The following MRTFB variants were observed in gnomAD, a reference collection of about 807,000 sequenced individuals.
MRTFB encodes myocardin-related transcription factor B.
In MRTFB, 29 loss-of-function variants were observed where a neutral mutation model predicts 104.2. The observed-to-expected ratio is 0.28, with a 90% CI of 0.21 to 0.38. The LOEUF (loss-of-function observed/expected upper bound fraction) is 0.38. MRTFB is among the 10% of genes least tolerant of loss of function. The probability of loss-of-function intolerance (pLI) is 1.00; values close to 1 mark genes in which losing one functional copy is unlikely to be tolerated. For missense variants in MRTFB, 1,270 were observed against 1,341.6 expected, an observed-to-expected ratio of 0.95 and a Z score of 0.83; for synonymous variants, 535 against 519.5, an observed-to-expected ratio of 1.03 and a Z score of -0.41.
intron 3 of MRTFB, chr16:14,200,905 A>G (rs2040672382): frequency 6.9e-7 from 1 of 1,451,056 alleles, no homozygotes. Context: ...GAATTTAACC[A>G]GCATGGCTAC....
chr16:14,094,987 T>G (rs1384722807), intron 2 of MRTFB, among the ~76,000 whole-genome samples: 1 of 152,208 alleles, frequency 6.6e-6, no homozygotes, highest in African/African-American at 2.4e-5. Context: ...ATAAAGCCAC[T>G]TTAAACATCA....
intron 1 of MRTFB, among the ~76,000 whole-genome samples, chr16:14,077,879 A>G (rs1042307813): frequency 2.0e-5 from 3 of 152,196 alleles, no homozygotes; most frequent in Non-Finnish European, 4.4e-5. Flanking sequence ...AAGTTACAAG[A>G]CATTAGAATC....
chr16:14,104,459 C>T (rs573415945), intron 2 of MRTFB, among the ~76,000 whole-genome samples: 3 of 152,300 alleles, frequency 2.0e-5, no homozygotes, highest in Non-Finnish European at 2.9e-5. Flanking sequence ...GTACATTTTA[C>T]ACTCAGGCAG....
At position 14,105,868 on chromosome 16, in the gene MRTFB, G is replaced by T. The variant is rs575951302; in HGVS notation, c.-64+26514G>T. 3.2e-4 allele frequency among the ~76,000 whole-genome samples: 48 copies of T among 152,288 alleles called. 1 individual carries two copies. The South Asian group carries it at 9.5e-3, about 30-fold the overall frequency. On this transcript the variant is annotated intron_variant, in intron 2 of 16. Coordinates refer to ENST00000571589, the MANE Select transcript of MRTFB (RefSeq NM_001308142.2). ...TGTCTCTTCACACTAAGAACAAAAA[G>T]CAAGTGATTGTGAAGTATTTCAGTG...
At chr16:14,193,135 C>G (rs949702171) in intron 3 of MRTFB, among the ~76,000 whole-genome samples, 50 of 147,974 alleles carry the variant, frequency 3.4e-4, no homozygotes, top group African/African-American at 1.2e-3. Context: ...CATTCCTTCA[C>G]CCTCCACTGA....
rs1400145614 is a variant in MRTFB, at chr16:14,245,438, T to A, written c.1080-90T>A. 13 of 1,119,914 alleles carry A rather than the reference T, an allele frequency of 1.2e-5. 1 individual carries two copies. Among genetic ancestry groups the A allele is most frequent in the Non-Finnish European group, 2.5e-6 (2 of 798,506 alleles). 69.4% of individuals were successfully genotyped at this position (1,119,914 alleles called of 1,614,324 possible). ...CCAATCCATAACCATGGTATTTTTC[T>A]CTTCATAAGTTAGTCAAATTGTTAA... On this transcript the variant is annotated intron_variant, in intron 10 of 16. Coordinates refer to ENST00000571589, the MANE Select transcript of MRTFB (RefSeq NM_001308142.2).
chr16:14,247,270 G>T lies in MRTFB; in HGVS notation c.2010G>T (p.Gln670His). 1 of 1,614,230 alleles carries T rather than the reference G, an allele frequency of 6.2e-7. No homozygotes were observed. The change falls in exon 12 of 17, where the codon CAG (glutamine) becomes CAT (histidine). Residue 670 changes from glutamine (Q) to histidine (H), a missense_variant. Physicochemically the swap from Gln to His is conservative, Grantham distance 24 (BLOSUM62 0). This residue lies in a region of MRTFB where 1,144 missense variants were observed against 1,131.5 expected (regional missense o/e 1.01). Coordinates refer to ENST00000571589, the MANE Select transcript of MRTFB (RefSeq NM_001308142.2). Reference protein sequence around the residue: ...AVGQPVSTGGQTLVAKKAVVI... With the variant: ...AVGQPVSTGGHTLVAKKAVVI... ...GCCAGCCCGTCTCTACAGGTGGCCA[G>T]ACCCTTGTTGCCAAAAAGGCTGTAG...
At chr16:14,232,700 C>T (rs1344579946) in intron 8 of MRTFB, among the ~76,000 whole-genome samples, 2 of 152,184 alleles carry the variant, frequency 1.3e-5, no homozygotes, top group Non-Finnish European at 2.9e-5. Flanking sequence ...CTCAGCGGGG[C>T]TTGAGAACGT....
chr16:14,025,530 C>T, the MRTFB span, among the ~76,000 whole-genome samples: 1 of 152,166 alleles, frequency 6.6e-6, no homozygotes, highest in East Asian at 1.9e-4. Flanking sequence ...CATGCGGTGC[C>T]TGCCCTAGTC....
At chr16:14,098,760 T>C (rs60012085) in intron 2 of MRTFB, among the ~76,000 whole-genome samples, 23,004 of 152,204 alleles carry the variant, frequency 0.15, 4,245 homozygotes, top group African/African-American at 0.44. Flanking sequence ...AGTTGTTGCA[T>C]GTGGTGAAAG....
intron 1 of MRTFB, among the ~76,000 whole-genome samples, chr16:14,072,384 T>C (rs2033761750): frequency 6.6e-6 from 1 of 152,142 alleles, no homozygotes; most frequent in Non-Finnish European, 1.5e-5. Context: ...TAGGACATAC[T>C]CTTGTGCTGG....
the MRTFB span, among the ~76,000 whole-genome samples, chr16:14,011,703 C>G: frequency 6.6e-6 from 1 of 152,098 alleles, no homozygotes; most frequent in African/African-American, 2.4e-5. Flanking sequence ...GAAACCCCGT[C>G]TCTACTAAAA....
rs2043761628 is a variant in MRTFB at position 14,261,133 on chromosome 16, C to G, written c.2989C>G (p.Pro997Ala). Reference sequence around the variant, plus strand: ...AACTTTACCCTCAGCCAATGAAATTCCTCCACTACAAAGCAGCAGTGAAGA... The same window carrying G: ...AACTTTACCCTCAGCCAATGAAATTGCTCCACTACAAAGCAGCAGTGAAGA... ...DGTLPSANEIPPLQSSSEDRE... is the reference protein window; with the variant it reads ...DGTLPSANEIAPLQSSSEDRE... Residue 997 changes from proline to alanine, a missense_variant, in exon 17 of 17, where the codon CCT becomes GCT. Pro to Ala is a conservative substitution (Grantham distance 27, BLOSUM62 -1). Coordinates refer to ENST00000571589, the MANE Select transcript of MRTFB (RefSeq NM_001308142.2). The G allele has an allele frequency of 9.3e-6, 15 of 1,614,110 alleles. No individual in the cohort carries two copies. The highest frequency in any genetic ancestry group is 1.1e-5 in the Non-Finnish European group (13 of 1,180,064).
intron 2 of MRTFB, among the ~76,000 whole-genome samples, chr16:14,094,537 C>G (rs1402659458): frequency 6.6e-6 from 1 of 152,178 alleles, no homozygotes; most frequent in Non-Finnish European, 1.5e-5. Context: ...CTTGTTTATG[C>G]TCCCTATTGA....
the MRTFB span, among the ~76,000 whole-genome samples, chr16:14,001,633 G>T: frequency 6.6e-6 from 1 of 152,206 alleles, no homozygotes; most frequent in Non-Finnish European, 1.5e-5. Context: ...TCAGCCTCGT[G>T]TCCCACGGTG....
intron 13 of MRTFB, 71 bp downstream of exon 13, chr16:14,249,152 A>G (rs1353133947): frequency 1.3e-6 from 2 of 1,534,796 alleles, no homozygotes; most frequent in Non-Finnish European, 1.8e-6. Context: ...TTCAACAAGC[A>G]TCTTTGTAAA....
chr16:14,058,285 T>TG, the MRTFB span, among the ~76,000 whole-genome samples: 1 of 152,096 alleles, frequency 6.6e-6, no homozygotes, highest in African/African-American at 2.4e-5. Context: ...CACTTAGGGT[T>TG]GGCGGGAAGG....
At chr16:14,000,552 A>C in the MRTFB span, among the ~76,000 whole-genome samples, 2 of 152,202 alleles carry the variant, frequency 1.3e-5, no homozygotes, top group African/African-American at 4.8e-5. Context: ...TTTAGTGCTA[A>C]TGTGTTCTGA....
At chr16:14,205,415 C>A (rs226783) in intron 3 of MRTFB, among the ~76,000 whole-genome samples, 1 of 151,970 alleles carries the variant, frequency 6.6e-6, no homozygotes, top group Non-Finnish European at 1.5e-5. Flanking sequence ...ATATACAGCT[C>A]TTGTAGAATT....
Sources: allele counts gnomAD v4.1 joint callset (sites outside exome capture counted in the v4.1 genomes callset), GRCh38; gene constraint gnomAD v4.1.1; regional missense constraint gnomAD v4.1.1; transcripts MANE v1.5; gene names NCBI Gene and HGNC (gene_info 2026-07-23, HGNC 2026-07-21).